TPTE2: variants seen among roughly 807,000 people sequenced by gnomAD.
TPTE2 encodes the protein transmembrane phosphoinositide 3-phosphatase and tensin homolog 2.
TPTE2 carries 53 observed loss-of-function variants against 78.6 expected under a neutral mutation model. The ratio of observed to expected loss-of-function variants is 0.67; its 90% confidence interval spans 0.54 to 0.85. The LOEUF (loss-of-function observed/expected upper bound fraction) is 0.85. Among genes scored for constraint, TPTE2 ranks in the 40% least tolerant of loss-of-function variants. The probability of loss-of-function intolerance (pLI) is 0.00; values close to 1 mark genes in which losing one functional copy is unlikely to be tolerated. For missense variants in TPTE2, 461 were observed against 623.0 expected (o/e 0.74, Z 2.77); for synonymous variants, 175 against 206.2 (o/e 0.85, Z 1.30).
intron 10 of TPTE2, among the ~76,000 whole-genome samples, chr13:19,462,756 G>A (rs1046956763): frequency 1.9e-4 from 29 of 152,076 alleles, no homozygotes; most frequent in African/African-American, 6.8e-4. Flanking sequence ...TGTTGGCCAT[G>A]CTCGCCTTGA....
chr13:19,431,687 T>G (rs1464671521), intron 16 of TPTE2, among the ~76,000 whole-genome samples: 1 of 147,786 alleles, frequency 6.8e-6, no homozygotes, highest in East Asian at 2.0e-4. Flanking sequence ...CAGAACTTCC[T>G]TCTATTGATG....
chr13:19,515,613 A>C lies in TPTE2; in HGVS notation c.-43-12336T>G, dbSNP rs531967284. 1.9e-3 allele frequency among the ~76,000 whole-genome samples: 284 copies of C among 152,302 alleles called. 3 individuals carry two copies. Among genetic ancestry groups the C allele is most frequent in the South Asian group, 0.015 (71 of 4,822 alleles). Reference sequence around the variant, plus strand: ...TTGAATGGCTCCTGGAAATTCATCCAGGTCTCAGGAAAAACAATACCTTTT... The same window carrying C: ...TTGAATGGCTCCTGGAAATTCATCCCGGTCTCAGGAAAAACAATACCTTTT... On this transcript the variant is annotated intron_variant, in intron 1 of 17. Transcript: ENST00000390680.
intron 13 of TPTE2, 35 bp downstream of exon 16, chr13:19,450,041 T>C (rs1339010590): frequency 6.2e-7 from 1 of 1,607,482 alleles, no homozygotes. Flanking sequence ...TACATGTCTT[T>C]AGAAAGGGAA....
intron 13 of TPTE2, among the ~76,000 whole-genome samples, chr13:19,449,807 A>C (rs552106588): frequency 6.6e-6 from 1 of 152,300 alleles, no homozygotes; most frequent in African/African-American, 2.4e-5. Context: ...AAAATAAAAA[A>C]TCCAAATACT....
chr13:19,426,437 C>T (rs753182014), exon 18 of TPTE2: 3 of 1,604,192 alleles, frequency 1.9e-6, no homozygotes, highest in African/African-American at 1.3e-5. Flanking sequence ...AAGAGAAAAA[C>T]TGCACTTTCA....
chr13:19,471,774 T>C (rs1879630591), intron 6 of TPTE2, among the ~76,000 whole-genome samples: 1 of 152,230 alleles, frequency 6.6e-6, no homozygotes, highest in Non-Finnish European at 1.5e-5. Flanking sequence ...GTGAGTTTTA[T>C]ACCTTCAGGT....
At chr13:19,464,879 G>A (rs1879164405) in intron 9 of TPTE2, among the ~76,000 whole-genome samples, 1 of 151,950 alleles carries the variant, frequency 6.6e-6, no homozygotes, top group Admixed American at 6.6e-5. Flanking sequence ...AAGGTGCTTT[G>A]CAGCCCTCTG....
intron 10 of TPTE2, among the ~76,000 whole-genome samples, chr13:19,453,783 A>G (rs1271924415): frequency 6.6e-6 from 1 of 152,122 alleles, no homozygotes; most frequent in East Asian, 1.9e-4. Flanking sequence ...TTCTACCAAG[A>G]ACAGAAATTA....
chr13:19,453,903 G>C (rs1878364059), intron 10 of TPTE2, among the ~76,000 whole-genome samples: 1 of 152,164 alleles, frequency 6.6e-6, no homozygotes, highest in Non-Finnish European at 1.5e-5. Flanking sequence ...TCTTCCTTGT[G>C]ATGCAAAAGT....
chr13:19,478,839 G>A (rs1444641415), intron 4 of TPTE2, among the ~76,000 whole-genome samples: 3 of 152,106 alleles, frequency 2.0e-5, no homozygotes, highest in African/African-American at 7.2e-5. Flanking sequence ...CATAAAAAAG[G>A]ATGAGTTCAT....
chr13:19,472,691 T>C (rs1347487466), intron 6 of TPTE2, among the ~76,000 whole-genome samples: 1 of 152,164 alleles, frequency 6.6e-6, no homozygotes, highest in Non-Finnish European at 1.5e-5. Context: ...TTTGGTGAGG[T>C]CATGTTTTCC....
Position 19,535,611 on chromosome 13 carries a change from C to CTTATTTAT in TPTE2, c.-44+977_-44+984dup, listed in dbSNP as rs112733083. 4.8e-3 allele frequency among the ~76,000 whole-genome samples: 698 copies of CTTATTTAT among 146,524 alleles called. 4 individuals are homozygous for CTTATTTAT. The highest frequency in any genetic ancestry group is 0.014 in the African/African-American group (574 of 39,752). On this transcript the variant is annotated intron_variant, in intron 1 of 17. Transcript: ENST00000390680. The surrounding 1 kb of genome is among the most constrained non-coding windows in gnomAD (Gnocchi z 5.1). ...TAAGTAATACTATCTCCAGGATTTT[C>CTTATTTAT]TTATTTATTTATTTATTTATTTATT...
upstream of TPTE2, among the ~76,000 whole-genome samples, chr13:19,536,926 A>T (rs1457778431): frequency 6.6e-6 from 1 of 150,790 alleles, no homozygotes; most frequent in Non-Finnish European, 1.5e-5. Flanking sequence ...GTTTAATATG[A>T]ATATGAAATA....
intron 6 of TPTE2, among the ~76,000 whole-genome samples, chr13:19,468,279 G>A (rs1465728062): frequency 1.3e-5 from 2 of 151,944 alleles, no homozygotes; most frequent in Non-Finnish European, 2.9e-5. Flanking sequence ...GACTTCAGGT[G>A]ATCTGCCCAC....
At chr13:19,443,891 A>C (rs1877658770) in intron 13 of TPTE2, among the ~76,000 whole-genome samples, 1 of 152,182 alleles carries the variant, frequency 6.6e-6, no homozygotes, top group South Asian at 2.1e-4. Context: ...TGTTCTAGCC[A>C]GTGCTAGGGG....
At chr13:19,485,882 A>T (rs1396459093) in intron 3 of TPTE2, among the ~76,000 whole-genome samples, 1 of 151,838 alleles carries the variant, frequency 6.6e-6, no homozygotes, top group South Asian at 2.1e-4. Context: ...GGTTATTTTT[A>T]TGATATCTGT....
At chr13:19,488,642 C>T (rs1387897855) in intron 3 of TPTE2, among the ~76,000 whole-genome samples, 1 of 152,176 alleles carries the variant, frequency 6.6e-6, no homozygotes, top group East Asian at 1.9e-4. Context: ...TCCCAGGCTT[C>T]ATTGAATCGA....
chr13:19,484,075 T>C (rs1464910348), intron 3 of TPTE2, among the ~76,000 whole-genome samples: 3 of 152,172 alleles, frequency 2.0e-5, no homozygotes, highest in Middle Eastern at 3.2e-3. Flanking sequence ...GATGAGTTCA[T>C]GTCCTTTGTA....
At chr13:19,501,852 G>A (rs1456134494) in intron 1 of TPTE2, among the ~76,000 whole-genome samples, 1 of 151,540 alleles carries the variant, frequency 6.6e-6, no homozygotes, top group African/African-American at 2.4e-5. Flanking sequence ...TCATCAGAGT[G>A]AACAGGCAAC....
Sources: gnomAD v4.1 joint callset for allele counts (sites outside exome capture counted in the v4.1 genomes callset) on GRCh38, gnomAD v4.1.1 for gene constraint, Gnocchi (gnomAD v3.1) non-coding constraint, MANE v1.5 for transcripts, NCBI Gene and HGNC (gene_info 2026-07-23, HGNC 2026-07-21) for gene names.